BRINP3: variants seen among roughly 807,000 people sequenced by gnomAD.
The protein encoded by BRINP3 is BMP/retinoic acid inducible neural specific 3, also known as BMP/retinoic acid-inducible neural-specific protein 3.
Under a neutral mutation model 71.0 loss-of-function variants are expected in BRINP3, and 19 were observed. The observed-to-expected ratio is 0.27, with a 90% CI of 0.19 to 0.39. The LOEUF (loss-of-function observed/expected upper bound fraction) is 0.39, where lower values mean the gene tolerates loss of function less well. Among genes scored for constraint, BRINP3 ranks in the 10% least tolerant of loss-of-function variants. The pLI is 1.00. For synonymous variants in BRINP3, 380 were observed against 337.7 expected (o/e 1.13, Z -1.37); for missense variants, 959 against 940.8 (o/e 1.02, Z -0.25).
chr1:190,138,905 G>A (rs1029420085), intron 7 of BRINP3, among the ~76,000 whole-genome samples: 93 of 152,126 alleles, frequency 6.1e-4, no homozygotes, highest in African/African-American at 2.2e-3. Flanking sequence ...CTCAATGGCG[G>A]CAGCAGGGAC....
At chr1:190,449,124 A>G (rs879921908) in intron 2 of BRINP3, among the ~76,000 whole-genome samples, 10 of 152,042 alleles carry the variant, frequency 6.6e-5, no homozygotes, top group Admixed American at 6.6e-4. Context: ...CAAGAATTAT[A>G]TTTTAACATT....
chr1:190,390,251 G>A (rs1671169556), intron 2 of BRINP3, among the ~76,000 whole-genome samples: 2 of 151,646 alleles, frequency 1.3e-5, no homozygotes, highest in African/African-American at 4.8e-5. Context: ...AGAGGTTGGA[G>A]GAAAGAGAGG....
intron 2 of BRINP3, among the ~76,000 whole-genome samples, chr1:190,430,565 T>G (rs1235163515): frequency 6.6e-6 from 1 of 152,120 alleles, no homozygotes; most frequent in Non-Finnish European, 1.5e-5. Context: ...AGAAATAATG[T>G]AGGAAGAGGG....
chr1:190,168,373 A>C (rs2102487567), intron 6 of BRINP3, among the ~76,000 whole-genome samples: 1 of 152,276 alleles, frequency 6.6e-6, no homozygotes, highest in African/African-American at 2.4e-5. Context: ...AGTATGGCAA[A>C]TATTCAACTC....
At chr1:190,293,112 C>T (rs1429632854) in intron 2 of BRINP3, among the ~76,000 whole-genome samples, 2 of 151,902 alleles carry the variant, frequency 1.3e-5, no homozygotes, top group Admixed American at 6.6e-5. Context: ...TCTTGAGGTG[C>T]ATCATTAAGT....
intron 4 of BRINP3, among the ~76,000 whole-genome samples, chr1:190,249,622 A>G (rs1158916850): frequency 6.6e-6 from 1 of 151,858 alleles, no homozygotes; most frequent in African/African-American, 2.4e-5. Context: ...GGTTTACATC[A>G]TCATTTTCAA....
chr1:190,336,718 C>A (rs879889844), intron 2 of BRINP3, among the ~76,000 whole-genome samples: 11 of 151,984 alleles, frequency 7.2e-5, no homozygotes, highest in Non-Finnish European at 1.6e-4. Flanking sequence ...TGGCTCATTT[C>A]TTAAAGTGAA....
intron 4 of BRINP3, among the ~76,000 whole-genome samples, chr1:190,244,549 A>G (rs1659407493): frequency 6.6e-6 from 1 of 152,070 alleles, no homozygotes; most frequent in Non-Finnish European, 1.5e-5. Flanking sequence ...AAAAGCACCT[A>G]TCACCATCCT....
intron 2 of BRINP3, among the ~76,000 whole-genome samples, chr1:190,300,089 G>A (rs1183854217): frequency 6.6e-6 from 1 of 152,032 alleles, no homozygotes; most frequent in Non-Finnish European, 1.5e-5. Context: ...GAATCTGAAT[G>A]TTGGCCTGCC....
intron 7 of BRINP3, among the ~76,000 whole-genome samples, chr1:190,107,258 T>A (rs1445674376): frequency 1.3e-5 from 2 of 152,068 alleles, no homozygotes; most frequent in East Asian, 3.9e-4. Flanking sequence ...AATAAGATAT[T>A]TTCTTCGAAG....
intron 3 of BRINP3, among the ~76,000 whole-genome samples, chr1:190,274,247 G>A (rs1445532679): frequency 6.6e-6 from 1 of 151,364 alleles, no homozygotes; most frequent in East Asian, 1.9e-4. Flanking sequence ...TAAAATTTGT[G>A]TCTTTTTTTT....
At chr1:190,165,723 A>T (rs1475702778) in intron 6 of BRINP3, among the ~76,000 whole-genome samples, 1 of 152,032 alleles carries the variant, frequency 6.6e-6, no homozygotes, top group Non-Finnish European at 1.5e-5. Flanking sequence ...TAAGTTAATC[A>T]AAAACCTCGA....
intron 7 of BRINP3, among the ~76,000 whole-genome samples, chr1:190,121,249 A>G (rs1363560026): frequency 2.0e-5 from 3 of 152,184 alleles, no homozygotes; most frequent in African/African-American, 7.2e-5. Flanking sequence ...GGTACGGTAT[A>G]ACAAAATGTG....
At chr1:190,266,976 T>C (rs1661717539) in intron 3 of BRINP3, among the ~76,000 whole-genome samples, 1 of 152,174 alleles carries the variant, frequency 6.6e-6, no homozygotes, top group African/African-American at 2.4e-5. Flanking sequence ...AGCAATGTAG[T>C]GCTAGTAACA....
At position 190,221,513 on chromosome 1, in the gene BRINP3, C is replaced by G. The variant is rs562936399; in HGVS notation, c.961+4569G>C. On this transcript the variant is annotated intron_variant, in intron 6 of 7. Transcript: ENST00000367462. ...AAGACAGTAAGAAGAGAAGAAGAGA[C>G]TAAAACGAACCAGAAAACAAGCCAC... Among the ~76,000 whole-genome samples the G allele has an allele frequency of 2.7e-4, 41 of 152,054 alleles. No homozygotes were observed. The East Asian group carries it at 7.4e-3, about 27-fold the overall frequency.
intron 2 of BRINP3, among the ~76,000 whole-genome samples, chr1:190,317,400 C>G (rs950361146): frequency 1.3e-5 from 2 of 151,962 alleles, no homozygotes; most frequent in African/African-American, 2.4e-5. Flanking sequence ...TAAACTGAGG[C>G]CATTATGGAG....
At chr1:190,374,203 C>T (rs1670044633) in intron 2 of BRINP3, among the ~76,000 whole-genome samples, 1 of 152,028 alleles carries the variant, frequency 6.6e-6, no homozygotes, top group Non-Finnish European at 1.5e-5. Flanking sequence ...TTTGCTAAAT[C>T]TCTATTTGTG....
intron 2 of BRINP3, among the ~76,000 whole-genome samples, chr1:190,353,376 A>T (rs1668525779): frequency 1.3e-5 from 2 of 152,024 alleles, no homozygotes; most frequent in South Asian, 2.1e-4. Context: ...TGACTAAGTA[A>T]AAGTATGGTT....
chr1:190,307,892 T>C (rs1665231801), intron 2 of BRINP3, among the ~76,000 whole-genome samples: 1 of 151,980 alleles, frequency 6.6e-6, no homozygotes. Flanking sequence ...TACGTTGAAC[T>C]GGCAAGAAAA....
Sources: allele counts gnomAD v4.1 joint callset (sites outside exome capture counted in the v4.1 genomes callset), GRCh38; gene constraint gnomAD v4.1.1; transcripts MANE v1.5; gene names NCBI Gene and HGNC (gene_info 2026-07-23, HGNC 2026-07-21).